ZFP64: variants seen among roughly 807,000 people sequenced by gnomAD.
The protein encoded by ZFP64 is zinc finger protein 64.
A neutral mutation model predicts 51.6 loss-of-function variants in ZFP64; 14 were observed. The observed-to-expected ratio is 0.27, with a 90% CI of 0.18 to 0.42. ZFP64 has a LOEUF of 0.42. Ranked by LOEUF, ZFP64 falls within the 10% of genes least tolerant of loss-of-function variation. The probability of loss-of-function intolerance (pLI) is 1.00; values close to 1 mark genes in which losing one functional copy is unlikely to be tolerated. For missense variants in ZFP64, 754 were observed against 906.8 expected (o/e 0.83, Z 2.16); for synonymous variants, 375 against 361.4 (o/e 1.04, Z -0.43).
rs1285390653 is a variant in ZFP64, at chr20:52,153,665, G to A, written c.764-237C>T. On this transcript the variant is annotated intron_variant, in intron 5 of 5. Coordinates refer to ENST00000216923, the MANE Select transcript of ZFP64 (RefSeq NM_018197.3). The surrounding 1 kb of genome is among the most constrained non-coding windows in gnomAD (Gnocchi z 5.1). ...GAAGAAAAATGGGAGATCGAAAAGA[G>A]CAATTTAATTGTCCCAGATAAAATA... Among the ~76,000 whole-genome samples, 1 of 152,148 alleles carries A rather than the reference G, an allele frequency of 6.6e-6. No homozygotes were observed. Among genetic ancestry groups the A allele is most frequent in the African/African-American group, 2.4e-5 (1 of 41,444 alleles).
chr20:52,136,096 CAAAAAAAAA>C (rs71192597), intron 5 of ZFP64, among the ~76,000 whole-genome samples: 2 of 38,034 alleles, frequency 5.3e-5, no homozygotes, highest in African/African-American at 1.1e-4. Context: ...GAGACTCTCT[CAAAAAAAAA>C]AAAAAAAAAA....
At chr20:52,105,222 G>A (rs1177536914) in intron 5 of ZFP64, 4 of 1,356,964 alleles carry the variant, frequency 2.9e-6, no homozygotes, top group Non-Finnish European at 2.8e-6. Context: ...GGCTTGGCCT[G>A]CTTGCGCCGC....
intron 7 of ZFP64, chr20:52,096,884 G>GT (rs1158654184): frequency 2.8e-6 from 1 of 353,122 alleles, no homozygotes; most frequent in East Asian, 7.4e-5. Flanking sequence ...GCAGGACTCT[G>GT]TCTCAGAGAA....
At chr20:52,182,054 G>A (rs958914371) in intron 2 of ZFP64, among the ~76,000 whole-genome samples, 3 of 152,162 alleles carry the variant, frequency 2.0e-5, no homozygotes, top group Admixed American at 6.5e-5. Flanking sequence ...AAAAGCGATC[G>A]CTCATTGAAC....
chr20:52,140,161 A>G (rs1021476321), intron 5 of ZFP64, among the ~76,000 whole-genome samples: 2 of 152,098 alleles, frequency 1.3e-5, no homozygotes, highest in Admixed American at 6.5e-5. Flanking sequence ...CTCTCCCTCT[A>G]TTTGAGCTTC....
At chr20:52,137,643 G>A (rs1471462286) in intron 5 of ZFP64, among the ~76,000 whole-genome samples, 1 of 152,058 alleles carries the variant, frequency 6.6e-6, no homozygotes, top group East Asian at 1.9e-4. Context: ...AAATGGAGAT[G>A]GTCAATTGGG....
rs561262967 is a variant in ZFP64, at chr20:52,152,029, T to G, written c.*117A>C. The stretch of plus-strand genomic sequence containing the variant: ...TCCAGCCTGGGAAACAGAGCGAGAC[T>G]CCGTCTCAAAAACAAAACAAAACAA... On this transcript the variant is annotated 3_prime_UTR_variant, in exon 6 of 6. Coordinates refer to ENST00000216923, the MANE Select transcript of ZFP64 (RefSeq NM_018197.3). 2.0e-4 allele frequency: 283 copies of G among 1,450,920 alleles called. 2 individuals carry two copies. In the South Asian group the frequency reaches 3.8e-3, roughly 19 times the overall value. The allele number at this position is 1,450,920 out of a possible 1,614,324, so 89.9% of individuals were successfully genotyped here.
chr20:52,191,242 T>C lies in ZFP64; in HGVS notation c.46+349A>G, dbSNP rs902751053. ...CAGTGTTGCCCCGTTTACCCTAGAT[T>C]CCTCCCTTTCTCCTGCCCGCCCCAA... On this transcript the variant is annotated intron_variant, in intron 1 of 5. Transcript: ENST00000216923. This position sits in a 1 kb window ranked among gnomAD's most constrained non-coding sequence, Gnocchi z 4.3. 2.6e-5 allele frequency among the ~76,000 whole-genome samples: 4 copies of C among 152,048 alleles called. No individual in the cohort carries two copies. The highest frequency in any genetic ancestry group is 9.7e-5 in the African/African-American group (4 of 41,410).
At chr20:52,092,760 G>A (rs2078941904) in intron 7 of ZFP64, among the ~76,000 whole-genome samples, 1 of 152,136 alleles carries the variant, frequency 6.6e-6, no homozygotes, top group South Asian at 2.1e-4. Context: ...GGAGGCTGAG[G>A]CACGAGAATC....
At chr20:52,135,579 T>A (rs900099083) in intron 5 of ZFP64, among the ~76,000 whole-genome samples, 14 of 152,106 alleles carry the variant, frequency 9.2e-5, no homozygotes, top group African/African-American at 3.4e-4. Flanking sequence ...ATTGACGTCC[T>A]GGGCTCAAGT....
At chr20:52,134,726 A>G (rs1249840385) in intron 5 of ZFP64, among the ~76,000 whole-genome samples, 1 of 152,218 alleles carries the variant, frequency 6.6e-6, no homozygotes, top group Non-Finnish European at 1.5e-5. Flanking sequence ...ATCCTACAGA[A>G]GGTCTAATTT....
At chr20:52,104,085 A>G (rs2079083234) in intron 5 of ZFP64, among the ~76,000 whole-genome samples, 2 of 152,202 alleles carry the variant, frequency 1.3e-5, no homozygotes, top group African/African-American at 4.8e-5. Flanking sequence ...TCCTTTCCTC[A>G]GCCCCTTAAA....
rs1382023613 is a variant in ZFP64, at chr20:52,191,771, G to C, written c.-135C>G. On this transcript the variant is annotated 5_prime_UTR_variant, in exon 1 of 6. Coordinates refer to ENST00000216923, the MANE Select transcript of ZFP64 (RefSeq NM_018197.3). This position sits in a 1 kb window ranked among gnomAD's most constrained non-coding sequence, Gnocchi z 4.3. Reference sequence around the variant, plus strand: ...TCTCCCAACTCTGCGAGGCGGGGAGGACGGATGTAAAGCAAGCTGCACTTC... The same window carrying C: ...TCTCCCAACTCTGCGAGGCGGGGAGCACGGATGTAAAGCAAGCTGCACTTC... 1 of 1,155,570 alleles carries C rather than the reference G, an allele frequency of 8.7e-7. No homozygotes were observed. Among genetic ancestry groups the C allele is most frequent in the Non-Finnish European group, 1.2e-6 (1 of 867,868 alleles). 71.6% of individuals were successfully genotyped at this position (1,155,570 alleles called of 1,614,324 possible). A position where few individuals can be genotyped will look rare whatever the true frequency, so the allele number is the denominator to read the frequency against.
chr20:52,160,414 G>A lies in ZFP64; in HGVS notation c.512-40C>T, dbSNP rs1568687098. 3.9e-6 allele frequency: 6 copies of A among 1,556,288 alleles called. No homozygotes were observed. Among genetic ancestry groups the A allele is most frequent in the Admixed American group, 2.0e-5 (1 of 49,744 alleles). On this transcript the variant is annotated intron_variant, in intron 4 of 5. Transcript: ENST00000216923. The surrounding 1 kb of genome is among the most constrained non-coding windows in gnomAD (Gnocchi z 4.2). The stretch of plus-strand genomic sequence containing the variant: ...ACACACAGATGGCAGCAGGAAACAA[G>A]ATTAAAAAAGGAAAAGGCTTATTTC...
chr20:52,142,181 A>G (rs57913961), intron 5 of ZFP64, among the ~76,000 whole-genome samples: 54,890 of 151,692 alleles, frequency 0.36, 10,650 homozygotes, highest in Non-Finnish European at 0.42. Flanking sequence ...AGTCTGGCCA[A>G]GATGGTGAAA....
chr20:52,186,810 C>T, intron 2 of ZFP64, 22 bp downstream of exon 2: 1 of 1,584,830 alleles, frequency 6.3e-7, no homozygotes, highest in Non-Finnish European at 8.6e-7. Flanking sequence ...TTCTGGCCGA[C>T]TCCCCCATGC....
At chr20:52,101,918 A>G (rs1437290275) in intron 5 of ZFP64, among the ~76,000 whole-genome samples, 2 of 143,754 alleles carry the variant, frequency 1.4e-5, no homozygotes, top group South Asian at 2.2e-4. Flanking sequence ...AACACAGTGA[A>G]ACCTGTCTCT....
rs752407916 is a variant in ZFP64 at position 52,085,257 on chromosome 20, G to A, written c.1238C>T (p.Pro413Leu). ...GGCGCTACAGAGCCAGCACTGGAAG[G>A]GGGTATCCCCTAGCAATGGAAGGTG... Residue 413 changes from proline to leucine, a missense_variant, in exon 9 of 9, where the codon CCC (proline) becomes CTC (leucine). Transcript: ENST00000361387. The surrounding 1 kb of genome is among the most constrained non-coding windows in gnomAD (Gnocchi z 4.3). The A allele has an allele frequency of 1.9e-6, 3 of 1,611,488 alleles. No homozygotes were observed. Among genetic ancestry groups the A allele is most frequent in the Non-Finnish European group, 1.7e-6 (2 of 1,178,208 alleles).
chr20:52,166,877 A>G (rs534208820), intron 2 of ZFP64, among the ~76,000 whole-genome samples: 1 of 152,340 alleles, frequency 6.6e-6, no homozygotes, highest in African/African-American at 2.4e-5. Context: ...ATGAAACACC[A>G]AAAAGGAACG....
Sources: gnomAD v4.1 joint callset for allele counts (sites outside exome capture counted in the v4.1 genomes callset) on GRCh38, gnomAD v4.1.1 for gene constraint, Gnocchi (gnomAD v3.1) non-coding constraint, MANE v1.5 for transcripts, NCBI Gene and HGNC (gene_info 2026-07-23, HGNC 2026-07-21) for gene names.